The following RAD1 variants were observed in gnomAD, a reference collection of about 807,000 sequenced individuals.
RAD1 encodes the protein RAD1 checkpoint DNA exonuclease, also known as cell cycle checkpoint protein RAD1.
In RAD1, 21 loss-of-function variants were observed where a neutral mutation model predicts 30.0. The observed-to-expected ratio is 0.70, with a 90% CI of 0.50 to 1.01. The LOEUF (loss-of-function observed/expected upper bound fraction) is 1.01, where lower values mean the gene tolerates loss of function less well. Among genes scored for constraint, RAD1 ranks in the 50% least tolerant of loss-of-function variants. The probability of loss-of-function intolerance (pLI) is 0.00; values close to 1 mark genes in which losing one functional copy is unlikely to be tolerated. For missense variants in RAD1, 329 were observed against 329.0 expected, an observed-to-expected ratio of 1.00 and a Z score of 0.00; for synonymous variants, 109 against 113.6, an observed-to-expected ratio of 0.96 and a Z score of 0.26.
chr5:34,906,190 C>T lies in RAD1; in HGVS notation c.*2575G>A, dbSNP rs914738167. 1 of 152,082 alleles carries T rather than the reference C, an allele frequency of 6.6e-6. No individual in the cohort carries two copies. The highest frequency in any genetic ancestry group is 1.5e-5 in the Non-Finnish European group (1 of 68,032). The allele number at this position is 152,082 out of a possible 1,614,324, so 9.4% of individuals were successfully genotyped here. A position where few individuals can be genotyped will look rare whatever the true frequency, so the allele number is the denominator to read the frequency against. On this transcript the variant is annotated 3_prime_UTR_variant, in exon 6 of 6. Coordinates refer to ENST00000382038, the MANE Select transcript of RAD1 (RefSeq NM_002853.4). ...AGGCTGATCTCGAACTTCCTGACCT[C>T]AGATGATCCCCCTGCCTCGGCTTCC...
chr5:34,909,406 A>C, intron 4 of RAD1, 50 bp from the exon 5 acceptor site: 1 of 1,291,314 alleles, frequency 7.7e-7, no homozygotes. Flanking sequence ...AATAAACCAC[A>C]TTAGGATCCA....
At position 34,914,722 on chromosome 5, in the gene RAD1, CTT is replaced by C; in HGVS notation, c.169_170del (p.Lys57ValfsTer17). On this transcript the variant is annotated frameshift_variant, in exon 2 of 6. Coordinates refer to ENST00000382038, the MANE Select transcript of RAD1 (RefSeq NM_002853.4). LOFTEE classifies it high-confidence loss of function. Reference protein sequence around the residue: ...NGIKVTVENAKCVQANAFIQA... With the variant: ...NGIKVTVENAXCVQANAFIQA... Reference sequence around the variant, plus strand: ...GAATAAAAGCATTTGCTTGCACACACTTTGCATTTTCCACTGTTACTTTGATA... The same window carrying C: ...GAATAAAAGCATTTGCTTGCACACACTGCATTTTCCACTGTTACTTTGATA... 1.9e-6 allele frequency: 3 copies of C among 1,612,616 alleles called. No homozygotes were observed. The highest frequency in any genetic ancestry group is 2.5e-6 in the Non-Finnish European group (3 of 1,178,488).
At chr5:34,909,216 T>C in intron 5 of RAD1, 42 bp downstream of exon 5, 1 of 1,395,868 alleles carries the variant, frequency 7.2e-7, no homozygotes, top group East Asian at 2.3e-5. Flanking sequence ...GTATTTAACC[T>C]CCTCTTTATC....
chr5:34,913,631 A>T, intron 2 of RAD1, 53 bp from the exon 3 acceptor site: 1 of 1,080,608 alleles, frequency 9.3e-7, no homozygotes, highest in Non-Finnish European at 1.4e-6. Flanking sequence ...AAAACTAATA[A>T]TATAAGGTCC....
Position 34,915,491 on chromosome 5 carries a change from A to C in RAD1, c.-145T>G. On this transcript the variant is annotated 5_prime_UTR_variant, in exon 1 of 6. Transcript: ENST00000382038. ...AAGAGGAGCGAGGCGGCTCCGAGGAACCGCGGAGGAAGTGAAGCCAGTCCC... is the reference window on the plus strand; with the variant it reads ...AAGAGGAGCGAGGCGGCTCCGAGGACCCGCGGAGGAAGTGAAGCCAGTCCC... 1.1e-4 allele frequency: 44 copies of C among 401,258 alleles called. No homozygotes were observed. Among genetic ancestry groups the C allele is most frequent in the Middle Eastern group, 6.9e-4 (1 of 1,456 alleles). 24.9% of individuals were successfully genotyped at this position (401,258 alleles called of 1,614,324 possible).
At chr5:34,914,604 T>C (rs774086672) in intron 2 of RAD1, 91 bp downstream of exon 2, 28 of 1,191,358 alleles carry the variant, frequency 2.4e-5, no homozygotes, top group African/African-American at 4.6e-5. Flanking sequence ...ATTATGACTA[T>C]TAAGTTATTT....
At chr5:34,909,001 G>A (rs1407440469) in intron 5 of RAD1, 53 bp from the exon 6 acceptor site, 1 of 1,412,044 alleles carries the variant, frequency 7.1e-7, no homozygotes, top group East Asian at 2.3e-5. Flanking sequence ...ACACTGCTCA[G>A]AACTCCCAAG....
chr5:34,914,045 C>T (rs1451249488), intron 2 of RAD1: 1 of 455,840 alleles, frequency 2.2e-6, no homozygotes, highest in Admixed American at 2.4e-5. Flanking sequence ...GGACAAGAAC[C>T]GTGTCTTATT....
At chr5:34,914,343 G>T in intron 2 of RAD1, 1 of 295,594 alleles carries the variant, frequency 3.4e-6, no homozygotes. Context: ...TATATAAAAC[G>T]GGAATAATAA....
chr5:34,911,264 C>A (rs1256610917), intron 4 of RAD1, among the ~76,000 whole-genome samples: 1 of 152,120 alleles, frequency 6.6e-6, no homozygotes, highest in Non-Finnish European at 1.5e-5. Context: ...CATGATGTAA[C>A]CTGATCTATG....
Position 34,911,636 on chromosome 5 carries a change from CCT to C in RAD1, c.482_483del (p.Glu161GlyfsTer4). Reference protein sequence around the residue: ...NVINKIILQSEGLREAFSELD... With the variant: ...NVINKIILQSXGLREAFSELD... ...AATTCAGAAAATGCTTCACGGAGCC[CCT>C]CTGACTGCAGAATAATTTTATTAAT... is the stretch of plus-strand genomic sequence containing the variant. On this transcript the variant is annotated frameshift_variant, in exon 4 of 6. Transcript: ENST00000382038. LOFTEE classifies it high-confidence loss of function. The C allele has an allele frequency of 6.2e-7, 1 of 1,614,054 alleles. No individual in the cohort carries two copies.
chr5:34,913,822 T>C, intron 2 of RAD1: 2 of 529,182 alleles, frequency 3.8e-6, no homozygotes, highest in Non-Finnish European at 7.1e-6. Flanking sequence ...TCACTACTGC[T>C]AAGGTCACTT....
At position 34,914,828 on chromosome 5, in the gene RAD1, T is replaced by C. The variant is rs1182920982; in HGVS notation, c.65A>G (p.Asp22Gly). The C allele has an allele frequency of 3.1e-6, 5 of 1,614,104 alleles. No individual in the cohort carries two copies. Among genetic ancestry groups the C allele is most frequent in the Non-Finnish European group, 2.5e-6 (3 of 1,180,058 alleles). Residue 22 changes from aspartate to glycine, a missense_variant, in exon 2 of 6, where the codon GAC becomes GGC. Physicochemically the swap from Asp to Gly is moderately conservative, Grantham distance 94. Coordinates refer to ENST00000382038, the MANE Select transcript of RAD1 (RefSeq NM_002853.4). ...GATAGTGGAGAGATTCCTAACGTTG[T>C]CAAGGCTGGCCACAAGGCTGTACTG... ...DDQYSLVASLDNVRNLSTILK... is the reference protein window; with the variant it reads ...DDQYSLVASLGNVRNLSTILK...
intron 3 of RAD1, among the ~76,000 whole-genome samples, chr5:34,912,531 G>A (rs771211291): frequency 2.7e-4 from 41 of 151,736 alleles, no homozygotes; most frequent in Admixed American, 2.6e-4. Flanking sequence ...CTGTGGAAAC[G>A]TAAAATACAT....
intron 4 of RAD1, among the ~76,000 whole-genome samples, 194 bp downstream of exon 4, chr5:34,911,360 T>G (rs41271707): frequency 1.2e-3 from 180 of 152,284 alleles, no homozygotes; most frequent in African/African-American, 4.2e-3. Context: ...ACCACCTAAA[T>G]ATGAAATAGT....
At chr5:34,913,807 G>A in intron 2 of RAD1, 1 of 532,020 alleles carries the variant, frequency 1.9e-6, no homozygotes, top group Non-Finnish European at 3.5e-6. Flanking sequence ...TCGTTTTTGT[G>A]CCTATCACTA....
chr5:34,908,739 A>G lies in RAD1; in HGVS notation c.*26T>C. On this transcript the variant is annotated 3_prime_UTR_variant, in exon 6 of 6. Transcript: ENST00000382038. Reference sequence around the variant, plus strand: ...AGAACTTCATCTATCATAAATGTACACATAAATATCAGTGAATTGTCATAC... The same window carrying G: ...AGAACTTCATCTATCATAAATGTACGCATAAATATCAGTGAATTGTCATAC... The G allele has an allele frequency of 6.5e-7, 1 of 1,545,032 alleles. No homozygotes were observed. The highest frequency in any genetic ancestry group is 8.8e-7 in the Non-Finnish European group (1 of 1,136,186).
chr5:34,914,552 T>G, intron 2 of RAD1, 143 bp downstream of exon 2: 1 of 755,296 alleles, frequency 1.3e-6, no homozygotes, highest in Non-Finnish European at 2.1e-6. Context: ...CTTAAGACTA[T>G]TATTTATTTA....
chr5:34,907,272 T>C lies in RAD1; in HGVS notation c.*1493A>G, dbSNP rs1219976452. 6.6e-6 allele frequency: 1 copy of C among 152,238 alleles called. No individual in the cohort carries two copies. Among genetic ancestry groups the C allele is most frequent in the Non-Finnish European group, 1.5e-5 (1 of 68,054 alleles). 9.4% of individuals were successfully genotyped at this position (152,238 alleles called of 1,614,324 possible). A position where few individuals can be genotyped will look rare whatever the true frequency, so the allele number is the denominator to read the frequency against. On this transcript the variant is annotated 3_prime_UTR_variant, in exon 6 of 6. Coordinates refer to ENST00000382038, the MANE Select transcript of RAD1 (RefSeq NM_002853.4). ...TTGAATGGTTCTCAACAATGAATAG[T>C]TTGGCACACTTTTATTTGGGGGAGG...
Sources: allele counts gnomAD v4.1 joint callset (sites outside exome capture counted in the v4.1 genomes callset), GRCh38; gene constraint gnomAD v4.1.1; transcripts MANE v1.5; gene names NCBI Gene and HGNC (gene_info 2026-07-23, HGNC 2026-07-21).